ADCY5: variants seen among roughly 807,000 people sequenced by gnomAD.
ADCY5 encodes adenylate cyclase 5, also known as adenylate cyclase type 5.
A neutral mutation model predicts 119.7 loss-of-function variants in ADCY5; 30 were observed. The observed-to-expected ratio is 0.25, with a 90% CI of 0.19 to 0.34. The LOEUF (loss-of-function observed/expected upper bound fraction) is 0.34. Among genes scored for constraint, ADCY5 ranks in the 10% least tolerant of loss-of-function variants. The pLI, the probability that ADCY5 is intolerant of heterozygous loss-of-function variation, is 1.00. For synonymous variants in ADCY5, 753 were observed against 762.2 expected (o/e 0.99, Z 0.20); for missense variants, 1,324 against 1,775.2 (o/e 0.75, Z 4.57).
chr3:123,332,477 C>A, intron 4 of ADCY5, 87 bp downstream of exon 4: 1 of 985,312 alleles, frequency 1.0e-6, no homozygotes, highest in Non-Finnish European at 1.6e-6. Context: ...CATGCCCATC[C>A]CTGGGGTTCA....
intron 1 of ADCY5, among the ~76,000 whole-genome samples, chr3:123,428,100 C>T (rs990993622): frequency 6.6e-6 from 1 of 152,198 alleles, no homozygotes; most frequent in Admixed American, 6.5e-5. Context: ...ATGTGAGAAC[C>T]ATGCGCCACC....
At chr3:123,373,758 G>GCCTCCCCCCCC (rs1943718682) in intron 1 of ADCY5, among the ~76,000 whole-genome samples, 4 of 37,072 alleles carry the variant, frequency 1.1e-4, no homozygotes, top group Admixed American at 3.3e-4. Flanking sequence ...GAAGCATCAC[G>GCCTCCCCCCCC]CCCCCCCCCC....
intron 20 of ADCY5, among the ~76,000 whole-genome samples, chr3:123,285,135 G>A (rs1294820758): frequency 1.3e-5 from 2 of 152,198 alleles, no homozygotes; most frequent in African/African-American, 2.4e-5. Context: ...CCGGTGCATT[G>A]TACAAAAGCA....
At position 123,448,663 on chromosome 3, in the gene ADCY5, C is replaced by A; in HGVS notation, c.-118G>T. 1.0e-6 allele frequency: 1 copy of A among 957,620 alleles called. No homozygotes were observed. The highest frequency in any genetic ancestry group is 1.7e-5 in the African/African-American group (1 of 59,100). The allele number at this position is 957,620 out of a possible 1,614,324, so 59.3% of individuals were successfully genotyped here. A position where few individuals can be genotyped will look rare whatever the true frequency, so the allele number is the denominator to read the frequency against. The stretch of plus-strand genomic sequence containing the variant: ...GGCTAGGGTCACACGTCGGGGGCGG[C>A]CCGGGGCCCTGCGCTGCAGCGGGGC... On this transcript the variant is annotated 5_prime_UTR_variant, in exon 1 of 21. Coordinates refer to ENST00000462833, the MANE Select transcript of ADCY5 (RefSeq NM_183357.3).
intron 1 of ADCY5, among the ~76,000 whole-genome samples, chr3:123,441,186 C>A (rs1230821587): frequency 6.6e-6 from 1 of 152,188 alleles, no homozygotes; most frequent in Non-Finnish European, 1.5e-5. Context: ...ATTTGAAAAC[C>A]AGCTCCAAGT....
At chr3:123,390,956 G>A (rs1944385980) in intron 1 of ADCY5, among the ~76,000 whole-genome samples, 1 of 133,140 alleles carries the variant, frequency 7.5e-6, no homozygotes, top group East Asian at 2.2e-4. Context: ...CTGGAATAAG[G>A]TGCCTAAAGC....
At position 123,303,893 on chromosome 3, in the gene ADCY5, G is replaced by GAAGAGAAGAA. The variant is rs746945989; in HGVS notation, c.2559+173_2559+174insTTCTTCTCTT. On this transcript the variant is annotated intron_variant, in intron 13 of 20. Coordinates refer to ENST00000462833, the MANE Select transcript of ADCY5 (RefSeq NM_183357.3). ...GAAGAGAAGAGAAGAGAAGAGAAGAGAAGAAAGAACTTGTGTGAGGCACAT... is the reference window on the plus strand; with the variant it reads ...GAAGAGAAGAGAAGAGAAGAGAAGAGAAGAGAAGAAAAGAAAGAACTTGTGTGAGGCACAT... 0.14 allele frequency among the ~76,000 whole-genome samples: 16,833 copies of GAAGAGAAGAA among 116,796 alleles called. 1,425 individuals are homozygous for GAAGAGAAGAA. Among genetic ancestry groups the GAAGAGAAGAA allele is most frequent in the Non-Finnish European group, 0.16 (9,499 of 57,790 alleles). 76.6% of individuals were successfully genotyped at this position (116,796 alleles called of 152,430 possible). A position where few individuals can be genotyped will look rare whatever the true frequency, so the allele number is the denominator to read the frequency against.
intron 1 of ADCY5, among the ~76,000 whole-genome samples, chr3:123,412,012 T>C (rs1405757894): frequency 6.6e-6 from 1 of 152,202 alleles, no homozygotes; most frequent in East Asian, 1.9e-4. Flanking sequence ...TGAACTATCC[T>C]ACCCTAGGCT....
intron 16 of ADCY5, 121 bp downstream of exon 16, chr3:123,297,232 G>A: frequency 5.6e-6 from 8 of 1,434,522 alleles, no homozygotes; most frequent in Non-Finnish European, 7.8e-6. Context: ...CTGTCCTGTT[G>A]GCCTTCTCCT....
intron 1 of ADCY5, chr3:123,420,343 G>T (rs1190880039): frequency 6.6e-6 from 1 of 152,270 alleles, no homozygotes; most frequent in Non-Finnish European, 1.5e-5. Context: ...GCCTCCAGGA[G>T]ATGGCGAGAA....
rs547071601 is a variant in ADCY5, at chr3:123,286,040, G to T, written c.3657+645C>A. ...AGCTGACCTCCCACAGCCTCACAGA[G>T]AACTGGGGGTGAGGGCCGTGCAGGA... On this transcript the variant is annotated intron_variant, in intron 20 of 20. Transcript: ENST00000462833. The surrounding 1 kb of genome is among the most constrained non-coding windows in gnomAD (Gnocchi z 4.2). 1.6e-4 allele frequency among the ~76,000 whole-genome samples: 24 copies of T among 152,330 alleles called. No individual in the cohort carries two copies. Among genetic ancestry groups the T allele is most frequent in the Non-Finnish European group, 2.8e-4 (19 of 68,032 alleles).
At chr3:123,358,413 C>T (rs1261287516) in intron 1 of ADCY5, among the ~76,000 whole-genome samples, 5 of 151,822 alleles carry the variant, frequency 3.3e-5, no homozygotes, top group Admixed American at 2.0e-4. Flanking sequence ...AAGACCAGCC[C>T]GGACAACACA....
At chr3:123,334,793 T>C (rs911453585) in intron 3 of ADCY5, among the ~76,000 whole-genome samples, 2 of 152,096 alleles carry the variant, frequency 1.3e-5, no homozygotes, top group African/African-American at 4.8e-5. Context: ...TAATTGTATA[T>C]ATTTATGGGG....
chr3:123,404,119 A>C (rs2107613548), intron 1 of ADCY5: 1 of 152,378 alleles, frequency 6.6e-6, no homozygotes, highest in South Asian at 2.1e-4. Context: ...CCCAGGAAAC[A>C]TTTAACAAAG....
At chr3:123,422,622 G>A (rs1945323310) in intron 1 of ADCY5, among the ~76,000 whole-genome samples, 1 of 152,228 alleles carries the variant, frequency 6.6e-6, no homozygotes, top group Non-Finnish European at 1.5e-5. Context: ...GAGGCAGTGA[G>A]CTCAGCTCAT....
chr3:123,291,460 G>A (rs936093934), intron 17 of ADCY5, 84 bp from the exon 18 acceptor site: 8 of 1,512,310 alleles, frequency 5.3e-6, no homozygotes, highest in Non-Finnish European at 7.1e-6. Flanking sequence ...CCGTGGCCTG[G>A]AGAAAAAGCA....
intron 2 of ADCY5, among the ~76,000 whole-genome samples, chr3:123,351,157 G>A (rs928699950): frequency 6.6e-6 from 1 of 152,136 alleles, no homozygotes; most frequent in African/African-American, 2.4e-5. Flanking sequence ...CACCGAGGCA[G>A]CGCTGGAAGG....
chr3:123,350,406 C>T (rs545103396), intron 2 of ADCY5, among the ~76,000 whole-genome samples: 1 of 152,230 alleles, frequency 6.6e-6, no homozygotes, highest in Non-Finnish European at 1.5e-5. Context: ...CACCAAAGGC[C>T]AACTCTCAGT....
rs1559830044 is a variant in ADCY5 at position 123,352,419 on chromosome 3, G to C, written c.1284+13C>G. On this transcript the variant is annotated intron_variant, in intron 2 of 20. Transcript: ENST00000462833. The surrounding 1 kb of genome is among the most constrained non-coding windows in gnomAD (Gnocchi z 4.8). Reference sequence around the variant, plus strand: ...ACTCCGTCCCACTGTGCAAGGGCAGGGGCCTCACTCACCTGCTGCTGGTTC... The same window carrying C: ...ACTCCGTCCCACTGTGCAAGGGCAGCGGCCTCACTCACCTGCTGCTGGTTC... The C allele has an allele frequency of 6.2e-7, 1 of 1,608,902 alleles. No homozygotes were observed. The highest frequency in any genetic ancestry group is 8.5e-7 in the Non-Finnish European group (1 of 1,178,750).
Sources: gnomAD v4.1 joint callset for allele counts (sites outside exome capture counted in the v4.1 genomes callset) on GRCh38, gnomAD v4.1.1 for gene constraint, Gnocchi (gnomAD v3.1) non-coding constraint, MANE v1.5 for transcripts, NCBI Gene and HGNC (gene_info 2026-07-23, HGNC 2026-07-21) for gene names.